Variants in ESR1 observed in about 807,000 individuals in gnomAD.
The protein encoded by ESR1 is estrogen receptor.
In ESR1, 12 loss-of-function variants were observed where a neutral mutation model predicts 52.7. The ratio of observed to expected loss-of-function variants is 0.23; its 90% CI spans 0.15 to 0.37. The LOEUF (loss-of-function observed/expected upper bound fraction) is 0.37. Among genes scored for constraint, ESR1 ranks in the 10% least tolerant of loss-of-function variants. The pLI is 1.00. For missense variants in ESR1, 584 were observed against 779.7 expected, an observed-to-expected ratio of 0.75 and a Z score of 2.99; for synonymous variants, 305 against 316.8, an observed-to-expected ratio of 0.96 and a Z score of 0.39.
intron 3 of ESR1, among the ~76,000 whole-genome samples, chr6:151,931,015 T>C (rs1443331250): frequency 6.6e-6 from 1 of 152,164 alleles, no homozygotes; most frequent in Non-Finnish European, 1.5e-5. Flanking sequence ...TTGTTTGTTT[T>C]GTTTTTTTGT....
At chr6:151,688,406 G>A (rs192897018), upstream of ESR1, among the ~76,000 whole-genome samples, 308 of 152,256 alleles carry the variant, frequency 2.0e-3, no homozygotes, top group African/African-American at 7.0e-3. Flanking sequence ...AACCCTGGCC[G>A]CAGCTGGTAT....
At chr6:151,933,194 G>A (rs975910570) in intron 3 of ESR1, among the ~76,000 whole-genome samples, 36 of 150,624 alleles carry the variant, frequency 2.4e-4, no homozygotes, top group African/African-American at 8.5e-4. Flanking sequence ...GTATTCCTAG[G>A]TATTTTATTC....
chr6:151,976,757 T>C (rs559034025), intron 4 of ESR1, among the ~76,000 whole-genome samples: 16 of 152,278 alleles, frequency 1.1e-4, no homozygotes, highest in African/African-American at 3.1e-4. Context: ...ATCTTAAATA[T>C]TTAACCTTTT....
At chr6:152,012,349 T>C (rs906650223) in intron 5 of ESR1, among the ~76,000 whole-genome samples, 3 of 131,140 alleles carry the variant, frequency 2.3e-5, no homozygotes, top group African/African-American at 9.0e-5. Context: ...GGTCCCATTG[T>C]TTTTTTTTTT....
intron 2 of ESR1, among the ~76,000 whole-genome samples, chr6:151,765,103 A>G (rs1463936187): frequency 6.6e-6 from 1 of 152,238 alleles, no homozygotes; most frequent in Non-Finnish European, 1.5e-5. Flanking sequence ...ATCAATTTTG[A>G]CATGTTCTAA....
intron 1 of ESR1, among the ~76,000 whole-genome samples, chr6:151,835,091 G>A (rs958562855): frequency 3.3e-5 from 5 of 152,130 alleles, no homozygotes; most frequent in African/African-American, 1.2e-4. Context: ...AGAATGGGAG[G>A]ATAAACAGGT....
At chr6:151,818,650 A>G (rs1780051200) in intron 1 of ESR1, among the ~76,000 whole-genome samples, 1 of 151,900 alleles carries the variant, frequency 6.6e-6, no homozygotes, top group South Asian at 2.1e-4. Flanking sequence ...TTCCTCTCAG[A>G]TGTCTGTCAT....
chr6:151,891,493 T>C (rs1478358174), intron 3 of ESR1, among the ~76,000 whole-genome samples: 1 of 152,176 alleles, frequency 6.6e-6, no homozygotes, highest in African/African-American at 2.4e-5. Flanking sequence ...CTTTTTTTTG[T>C]TTGTTTCAGT....
intron 6 of ESR1, among the ~76,000 whole-genome samples, chr6:152,108,461 GT>G (rs1342329132): frequency 6.6e-6 from 1 of 152,206 alleles, no homozygotes; most frequent in Non-Finnish European, 1.5e-5. Context: ...TGAAATAGTT[GT>G]TTTTGTCAAT....
At chr6:151,701,117 C>T (rs1779743187) in intron 1 of ESR1, among the ~76,000 whole-genome samples, 1 of 152,108 alleles carries the variant, frequency 6.6e-6, no homozygotes, top group South Asian at 2.1e-4. Flanking sequence ...CATGTAACAA[C>T]GTCTGAATCT....
intron 4 of ESR1, among the ~76,000 whole-genome samples, chr6:151,948,255 T>C (rs2035934565): frequency 6.6e-6 from 1 of 152,244 alleles, no homozygotes; most frequent in Non-Finnish European, 1.5e-5. Flanking sequence ...AAGTGTCATT[T>C]TGATTTATTG....
chr6:151,990,377 A>AGTCCATT lies in ESR1; in HGVS notation c.1097-21277_1097-21271dup, dbSNP rs531986601. Among the ~76,000 whole-genome samples the AGTCCATT allele has an allele frequency of 4.9e-3, 740 of 152,168 alleles. 12 individuals carry two copies. The highest frequency in any genetic ancestry group is 0.017 in the African/African-American group (709 of 41,466). On this transcript the variant is annotated intron_variant, in intron 4 of 7. Transcript: ENST00000206249. ...ACAGTATGTAAAAAATTATTTTTTT[A>AGTCCATT]GTCCATTGCTGGTGTTCCTTGTTGT... is the stretch of plus-strand genomic sequence containing the variant.
chr6:151,991,905 G>A (rs1029826249), intron 4 of ESR1, among the ~76,000 whole-genome samples: 2 of 151,946 alleles, frequency 1.3e-5, no homozygotes, highest in Admixed American at 6.6e-5. Flanking sequence ...TCATCTCGTC[G>A]CAGACATTCC....
intron 5 of ESR1, among the ~76,000 whole-genome samples, chr6:152,018,979 A>G (rs750058143): frequency 2.0e-5 from 3 of 152,136 alleles, no homozygotes; most frequent in Non-Finnish European, 4.4e-5. Flanking sequence ...TTGACTGTGG[A>G]TCCATTGATT....
intron 5 of ESR1, among the ~76,000 whole-genome samples, chr6:152,057,623 A>G (rs1438102745): frequency 6.6e-6 from 1 of 151,810 alleles, no homozygotes; most frequent in Non-Finnish European, 1.5e-5. Context: ...GGGTCTTCCT[A>G]TCATAATATG....
intron 2 of ESR1, among the ~76,000 whole-genome samples, chr6:151,774,633 C>T (rs937178646): frequency 1.3e-5 from 2 of 152,166 alleles, no homozygotes; most frequent in Non-Finnish European, 2.9e-5. Context: ...AGGATGATCA[C>T]AGCAGTTAGA....
At chr6:151,996,035 A>G (rs147448897) in intron 4 of ESR1, among the ~76,000 whole-genome samples, 38 of 152,316 alleles carry the variant, frequency 2.5e-4, no homozygotes, top group African/African-American at 8.7e-4. Context: ...AAGTACTCAC[A>G]GCTGCATCAC....
intron 2 of ESR1, among the ~76,000 whole-genome samples, chr6:151,711,779 T>C (rs1388424461): frequency 6.6e-6 from 1 of 152,198 alleles, no homozygotes; most frequent in Non-Finnish European, 1.5e-5. Context: ...TACGAAATTT[T>C]TCCCCCATTC....
intron 1 of ESR1, among the ~76,000 whole-genome samples, chr6:151,829,164 T>A (rs575191772): frequency 6.6e-6 from 1 of 152,366 alleles, no homozygotes; most frequent in East Asian, 1.9e-4. Flanking sequence ...ATCACTCATA[T>A]GCTGTTGGAC....
Sources: gnomAD v4.1 joint callset for allele counts (sites outside exome capture counted in the v4.1 genomes callset) on GRCh38, gnomAD v4.1.1 for gene constraint, MANE v1.5 for transcripts, NCBI Gene and HGNC (gene_info 2026-07-23, HGNC 2026-07-21) for gene names.